DLAT: variants seen among roughly 807,000 people sequenced by gnomAD.
DLAT encodes the protein dihydrolipoamide S-acetyltransferase, also known as dihydrolipoyllysine-residue acetyltransferase component of pyruvate dehydrogenase complex, mitochondrial.
DLAT carries 43 observed loss-of-function variants against 68.0 expected under a neutral mutation model. The observed-to-expected ratio is 0.63, with a 90% CI of 0.50 to 0.81. The LOEUF (loss-of-function observed/expected upper bound fraction) is 0.81, where lower values mean the gene tolerates loss of function less well. DLAT is among the 40% of genes least tolerant of loss of function. The pLI, the probability that DLAT is intolerant of heterozygous loss-of-function variation, is 0.00. For missense variants in DLAT, 745 were observed against 815.4 expected, an observed-to-expected ratio of 0.91 and a Z score of 1.05; for synonymous variants, 265 against 288.6, an observed-to-expected ratio of 0.92 and a Z score of 0.83.
In DLAT at chr11:112,049,124, C is replaced by T. The variant is rs781849246; in HGVS notation, c.1399-2110C>T. Among the ~76,000 whole-genome samples the T allele has an allele frequency of 5.3e-5, 8 of 151,694 alleles. No homozygotes were observed. The South Asian group carries it at 1.0e-3, about 20-fold the overall frequency. On this transcript the variant is annotated intron_variant, in intron 10 of 13. Coordinates refer to ENST00000280346, the MANE Select transcript of DLAT (RefSeq NM_001931.5). Reference sequence around the variant, plus strand: ...CCTCCCAAGTAGCTGGGACTACAGACGCCCACCACCATGCCCGGCTAATTT... The same window carrying T: ...CCTCCCAAGTAGCTGGGACTACAGATGCCCACCACCATGCCCGGCTAATTT...
Position 112,061,169 on chromosome 11 carries a change from A to G in DLAT, c.1809A>G (p.Glu603=). 6.2e-7 allele frequency: 1 copy of G among 1,614,120 alleles called. No individual in the cohort carries two copies. The highest frequency in any genetic ancestry group is 8.5e-7 in the Non-Finnish European group (1 of 1,180,014). ...SEDKLVPADN[E]KGFDVASMMS... is the part of the protein sequence containing the mutation. ...ATAAACTGGTCCCTGCAGATAATGA[A>G]AAAGGGTAAGTGCCAAAATGGAGGG... The change falls in exon 13 of 14, where the codon GAA becomes GAG. Residue 603 remains glutamate, a synonymous_variant. Coordinates refer to ENST00000280346, the MANE Select transcript of DLAT (RefSeq NM_001931.5).
Position 112,062,571 on chromosome 11 carries a change from C to T in DLAT, c.*36C>T, listed in dbSNP as rs587683261. The T allele has an allele frequency of 1.2e-6, 2 of 1,605,094 alleles. No individual in the cohort carries two copies. ...AATTTCTAAACTCTCCCAGGTCACACTGATTCATTCTTAACAAGATATTTA... is the reference window on the plus strand; with the variant it reads ...AATTTCTAAACTCTCCCAGGTCACATTGATTCATTCTTAACAAGATATTTA... On this transcript the variant is annotated 3_prime_UTR_variant, in exon 14 of 14. Coordinates refer to ENST00000280346, the MANE Select transcript of DLAT (RefSeq NM_001931.5).
chr11:112,031,971 C>T lies in DLAT; in HGVS notation c.661-1433C>T, dbSNP rs1011832210. On this transcript the variant is annotated intron_variant, in intron 4 of 13. Coordinates refer to ENST00000280346, the MANE Select transcript of DLAT (RefSeq NM_001931.5). Reference sequence around the variant, plus strand: ...AGTGTAGTGGCACGATCTTGGCTCACGGCAACCTCTGCGATTCTCATGCCT... The same window carrying T: ...AGTGTAGTGGCACGATCTTGGCTCATGGCAACCTCTGCGATTCTCATGCCT... Among the ~76,000 whole-genome samples the T allele has an allele frequency of 1.4e-4, 20 of 140,960 alleles. No individual in the cohort carries two copies. In the East Asian group the frequency reaches 3.4e-3, roughly 24 times the overall value. 92.5% of individuals were successfully genotyped at this position (140,960 alleles called of 152,430 possible).
In DLAT at chr11:112,062,524, ATGT is replaced by A; in HGVS notation, c.1940_1942del (p.Leu647del). Reference sequence around the variant, plus strand: ...AAAGTACCTTGAAAAACCTATCACTATGTTGTTGTAACTAACTCAAGAATTTCT... The same window carrying A: ...AAAGTACCTTGAAAAACCTATCACTATGTTGTAACTAACTCAAGAATTTCT... On this transcript the variant is annotated inframe_deletion, in exon 14 of 14. Transcript: ENST00000280346. The A allele has an allele frequency of 6.8e-6, 11 of 1,612,420 alleles. No individual in the cohort carries two copies. The highest frequency in any genetic ancestry group is 9.3e-6 in the Non-Finnish European group (11 of 1,179,980).
In DLAT at chr11:112,045,200, C is replaced by G. The variant is rs1555181358; in HGVS notation, c.1260C>G (p.Phe420Leu). 1 of 1,614,122 alleles carries G rather than the reference C, an allele frequency of 6.2e-7. No individual in the cohort carries two copies. Among genetic ancestry groups the G allele is most frequent in the Non-Finnish European group, 8.5e-7 (1 of 1,180,004 alleles). Reference protein sequence around the residue: ...PGMAPVPTGVFTDIPISNIRR... With the variant: ...PGMAPVPTGVLTDIPISNIRR... ...TGGCACCAGTTCCTACAGGTGTCTT[C>G]ACAGATATCCCAATCAGCAACATTC... Residue 420 changes from phenylalanine (F) to leucine (L), a missense_variant, in exon 9 of 14, where the codon TTC (phenylalanine) becomes TTG (leucine). Physicochemically the swap from Phe to Leu is conservative, Grantham distance 22 (BLOSUM62 0). Coordinates refer to ENST00000280346, the MANE Select transcript of DLAT (RefSeq NM_001931.5).
chr11:112,037,484 G>A (rs1190835215), intron 6 of DLAT, 24 bp downstream of exon 6: 3 of 1,610,494 alleles, frequency 1.9e-6, no homozygotes, highest in Non-Finnish European at 2.5e-6. Context: ...TAGAATTCAG[G>A]AAACACTTAC....
chr11:112,053,294 C>T (rs782125355), intron 11 of DLAT, among the ~76,000 whole-genome samples: 65 of 151,976 alleles, frequency 4.3e-4, no homozygotes, highest in Non-Finnish European at 1.3e-4. Flanking sequence ...TGCAGTCCAG[C>T]CTGGGTGATA....
In DLAT at chr11:112,045,949, G is replaced by A. The variant is rs1351780867; in HGVS notation, c.1377G>A (p.Leu459=). ...ATGTAAATATGGGAGAAGTTTTGTT[G>A]GTACGGAAAGAACTTAATAAGGTAA... ...SIDVNMGEVL[L]VRKELNKILE... Residue 459 remains leucine, a synonymous_variant, in exon 10 of 14, where the codon TTG becomes TTA. Transcript: ENST00000280346. 6.2e-7 allele frequency: 1 copy of A among 1,604,210 alleles called. No individual in the cohort carries two copies. Among genetic ancestry groups the A allele is most frequent in the Non-Finnish European group, 8.5e-7 (1 of 1,171,346 alleles).
chr11:112,030,441 G>A, intron 4 of DLAT: 1 of 334,594 alleles, frequency 3.0e-6, no homozygotes, highest in Non-Finnish European at 5.9e-6. Flanking sequence ...CATCCAAGCT[G>A]TATCATAGGT....
intron 4 of DLAT, chr11:112,029,960 C>T: frequency 1.0e-6 from 1 of 953,640 alleles, no homozygotes; most frequent in Non-Finnish European, 1.7e-6. Context: ...TTACATGCTT[C>T]CCATCCAGCC....
chr11:112,042,997 T>G (rs1183542368), intron 7 of DLAT, among the ~76,000 whole-genome samples: 1 of 152,378 alleles, frequency 6.6e-6, no homozygotes, highest in East Asian at 1.9e-4. Context: ...AAAGGAATTC[T>G]TTATGGTCAC....
rs2137821059 is a variant in DLAT, at chr11:112,051,203, G to A, written c.1399-31G>A. On this transcript the variant is annotated intron_variant, in intron 10 of 13. Transcript: ENST00000280346. The surrounding 1 kb of genome is among the most constrained non-coding windows in gnomAD (Gnocchi z 4.3). ...TAAAATTAAAATTAAAATTAAAAAA[G>A]AAGAAACTACAGTTCTTCTTGTCTT... The A allele has an allele frequency of 1.4e-6, 2 of 1,417,018 alleles. No homozygotes were observed. Among genetic ancestry groups the A allele is most frequent in the Non-Finnish European group, 2.0e-6 (2 of 1,020,080 alleles). 87.8% of individuals were successfully genotyped at this position (1,417,018 alleles called of 1,614,324 possible). A position where few individuals can be genotyped will look rare whatever the true frequency, so the allele number is the denominator to read the frequency against.
intron 7 of DLAT, among the ~76,000 whole-genome samples, chr11:112,040,188 A>C (rs1555180915): frequency 1.3e-5 from 2 of 152,198 alleles, no homozygotes; most frequent in African/African-American, 4.8e-5. Flanking sequence ...ATTAAACTTA[A>C]GCTAAAATTT....
At chr11:112,053,696 G>A (rs920521941) in intron 11 of DLAT, among the ~76,000 whole-genome samples, 3 of 151,984 alleles carry the variant, frequency 2.0e-5, no homozygotes, top group African/African-American at 7.2e-5. Flanking sequence ...CTTGTGAGCC[G>A]CCCACCTTGG....
intron 11 of DLAT, among the ~76,000 whole-genome samples, chr11:112,057,084 T>A (rs1555182678): frequency 6.6e-6 from 1 of 152,244 alleles, no homozygotes; most frequent in Non-Finnish European, 1.5e-5. Context: ...GGATCTTTGA[T>A]GTTACCATTG....
intron 5 of DLAT, 27 bp downstream of exon 5, chr11:112,033,557 T>C: frequency 1.2e-6 from 2 of 1,612,374 alleles, no homozygotes; most frequent in Non-Finnish European, 1.7e-6. Context: ...TCTTAATGGT[T>C]GAGGCACTGA....
At position 112,045,148 on chromosome 11, in the gene DLAT, C is replaced by T; in HGVS notation, c.1208C>T (p.Ala403Val). The T allele has an allele frequency of 6.2e-7, 1 of 1,613,990 alleles. No homozygotes were observed. Among genetic ancestry groups the T allele is most frequent in the Non-Finnish European group, 8.5e-7 (1 of 1,179,906 alleles). The change falls in exon 9 of 14, where the codon GCT becomes GTT. Residue 403 changes from alanine to valine, a missense_variant. Ala to Val is a moderately conservative substitution (Grantham distance 64). Coordinates refer to ENST00000280346, the MANE Select transcript of DLAT (RefSeq NM_001931.5). ...VPSKVAPAPAAVVPPTGPGMA... is the reference protein window; with the variant it reads ...VPSKVAPAPAVVVPPTGPGMA... ...TCTTTCCTCCCATAGGCTCCGGCAG[C>T]TGTTGTGCCTCCCACAGGTCCTGGA...
chr11:112,047,781 G>A (rs782662587), intron 10 of DLAT, among the ~76,000 whole-genome samples: 2 of 152,178 alleles, frequency 1.3e-5, no homozygotes, highest in Non-Finnish European at 2.9e-5. Flanking sequence ...TTGTAAATGT[G>A]TGGCATTATG....
intron 11 of DLAT, among the ~76,000 whole-genome samples, chr11:112,054,603 C>A (rs1417172582): frequency 2.0e-5 from 3 of 152,196 alleles, no homozygotes; most frequent in Admixed American, 1.3e-4. Flanking sequence ...TGGGTAAACT[C>A]TTTGTTCTAA....
Sources: gnomAD v4.1 joint callset for allele counts (sites outside exome capture counted in the v4.1 genomes callset) on GRCh38, gnomAD v4.1.1 for gene constraint, Gnocchi (gnomAD v3.1) non-coding constraint, MANE v1.5 for transcripts, NCBI Gene and HGNC (gene_info 2026-07-23, HGNC 2026-07-21) for gene names.